TEAD1: variants seen among roughly 807,000 people sequenced by gnomAD.
The protein encoded by TEAD1 is TEA domain transcription factor 1.
In TEAD1, 9 loss-of-function variants were observed where a neutral mutation model predicts 54.9. That is an observed-to-expected ratio of 0.16 (90% CI 0.10 to 0.29). TEAD1 has a LOEUF of 0.29. TEAD1 is among the 10% of genes least tolerant of loss of function. The probability of loss-of-function intolerance (pLI) is 1.00; values close to 1 mark genes in which losing one functional copy is unlikely to be tolerated. For missense variants in TEAD1, 387 were observed against 535.9 expected (o/e 0.72, Z 2.74); for synonymous variants, 200 against 187.8 (o/e 1.07, Z -0.53).
At chr11:12,719,949 G>GCTTTTTTT (rs1944151199) in intron 2 of TEAD1, among the ~76,000 whole-genome samples, 1 of 39,990 alleles carries the variant, frequency 2.5e-5, no homozygotes, top group African/African-American at 5.6e-5. Flanking sequence ...GAAATCTAAT[G>GCTTTTTTT]TTTTTTTTTT....
chr11:12,916,249 G>A (rs983570828), intron 10 of TEAD1, among the ~76,000 whole-genome samples: 6 of 151,926 alleles, frequency 3.9e-5, no homozygotes, highest in African/African-American at 1.5e-4. Context: ...CGTAAGACCC[G>A]TCATAAACAC....
At chr11:12,716,990 G>A (rs951527759) in intron 2 of TEAD1, among the ~76,000 whole-genome samples, 1 of 152,220 alleles carries the variant, frequency 6.6e-6, no homozygotes, top group Admixed American at 6.5e-5. Context: ...GAAGTAGTGG[G>A]CTTGGCCTCT....
intron 10 of TEAD1, among the ~76,000 whole-genome samples, chr11:12,903,781 C>A (rs912848572): frequency 6.6e-6 from 1 of 152,136 alleles, no homozygotes; most frequent in African/African-American, 2.4e-5. Context: ...CCCTGCACTC[C>A]AGCCTGAGTA....
intron 3 of TEAD1, among the ~76,000 whole-genome samples, chr11:12,839,258 A>G (rs1946974256): frequency 6.6e-6 from 1 of 152,116 alleles, no homozygotes; most frequent in Admixed American, 6.5e-5. Flanking sequence ...TAAAAATACA[A>G]AAATTAGCCG....
At chr11:12,910,165 A>T (rs544050493) in intron 10 of TEAD1, among the ~76,000 whole-genome samples, 1 of 152,360 alleles carries the variant, frequency 6.6e-6, no homozygotes, top group Admixed American at 6.5e-5. Flanking sequence ...AGAAGACATG[A>T]GTATGATTCA....
At chr11:12,761,830 A>G (rs1306128129) in intron 2 of TEAD1, among the ~76,000 whole-genome samples, 1 of 152,208 alleles carries the variant, frequency 6.6e-6, no homozygotes, top group African/African-American at 2.4e-5. Flanking sequence ...GCATTTCAAC[A>G]TGTCAGTATG....
At chr11:12,788,948 C>T (rs763919427) in intron 3 of TEAD1, among the ~76,000 whole-genome samples, 18 of 152,190 alleles carry the variant, frequency 1.2e-4, no homozygotes, top group Non-Finnish European at 2.1e-4. Context: ...TGGGGCCTGG[C>T]TGTGTTGCCC....
At chr11:12,882,970 C>G (rs1247860640) in intron 8 of TEAD1, 31 bp from the exon 9 acceptor site, 1 of 1,614,078 alleles carries the variant, frequency 6.2e-7, no homozygotes, top group South Asian at 1.1e-5. Flanking sequence ...AGGTGAGTGA[C>G]CAGCATCAAA....
chr11:12,710,925 C>T (rs1943923461), intron 2 of TEAD1, among the ~76,000 whole-genome samples: 1 of 152,098 alleles, frequency 6.6e-6, no homozygotes, highest in South Asian at 2.1e-4. Context: ...GCATTGCAGG[C>T]AGAGGGCCCA....
intron 2 of TEAD1, among the ~76,000 whole-genome samples, chr11:12,742,351 A>C (rs1268091621): frequency 6.6e-6 from 1 of 152,206 alleles, no homozygotes; most frequent in African/African-American, 2.4e-5. Flanking sequence ...GGATGAAGTG[A>C]AATAATAAAA....
chr11:12,726,450 C>T (rs1944314564), intron 2 of TEAD1, among the ~76,000 whole-genome samples: 1 of 152,184 alleles, frequency 6.6e-6, no homozygotes, highest in East Asian at 1.9e-4. Flanking sequence ...CTGGGGGAGT[C>T]ACCAACCTTG....
intron 9 of TEAD1, among the ~76,000 whole-genome samples, chr11:12,900,315 C>A (rs1948404485): frequency 1.3e-5 from 2 of 152,022 alleles, no homozygotes; most frequent in Non-Finnish European, 2.9e-5. Flanking sequence ...CCCTCCTTGG[C>A]CTTCCAAAGT....
chr11:12,773,404 G>C (rs1450758050), intron 3 of TEAD1, among the ~76,000 whole-genome samples: 1 of 152,144 alleles, frequency 6.6e-6, no homozygotes, highest in African/African-American at 2.4e-5. Context: ...CTGCAATCTA[G>C]TTTCTCTGCA....
intron 3 of TEAD1, among the ~76,000 whole-genome samples, chr11:12,853,169 G>A (rs1296935086): frequency 1.3e-5 from 2 of 152,108 alleles, no homozygotes; most frequent in East Asian, 1.9e-4. Flanking sequence ...AGCTGGACCT[G>A]GAAAGATTTT....
chr11:12,695,673 C>T (rs1943565405), intron 2 of TEAD1, among the ~76,000 whole-genome samples: 1 of 152,230 alleles, frequency 6.6e-6, no homozygotes, highest in Non-Finnish European at 1.5e-5. Flanking sequence ...GAAATGGACC[C>T]AGACTGATGG....
At chr11:12,730,694 CT>C (rs71313457) in intron 2 of TEAD1, among the ~76,000 whole-genome samples, 569 of 65,654 alleles carry the variant, frequency 8.7e-3, no homozygotes, top group Admixed American at 0.015. Flanking sequence ...CTACATAGCT[CT>C]TTTTTTTTTT....
intron 3 of TEAD1, among the ~76,000 whole-genome samples, chr11:12,846,642 C>T (rs1015809061): frequency 6.6e-6 from 1 of 152,082 alleles, no homozygotes; most frequent in Non-Finnish European, 1.5e-5. Flanking sequence ...GTCTGACTTC[C>T]GTTTGTCCAG....
intron 9 of TEAD1, among the ~76,000 whole-genome samples, chr11:12,883,938 T>C (rs1287856490): frequency 6.7e-6 from 1 of 149,080 alleles, no homozygotes; most frequent in Non-Finnish European, 1.5e-5. Flanking sequence ...GAGGTTGCGG[T>C]GAGCCAAGAT....
chr11:12,736,520 T>C (rs190264650), intron 2 of TEAD1, among the ~76,000 whole-genome samples: 1 of 152,352 alleles, frequency 6.6e-6, no homozygotes, highest in East Asian at 1.9e-4. Context: ...GAAGATGCAA[T>C]TTATTAGTGA....
Sources: gnomAD v4.1 joint callset for allele counts (sites outside exome capture counted in the v4.1 genomes callset) on GRCh38, gnomAD v4.1.1 for gene constraint, MANE v1.5 for transcripts, NCBI Gene and HGNC (gene_info 2026-07-23, HGNC 2026-07-21) for gene names.